The following IL6ST variants were observed in gnomAD, a reference collection of about 807,000 sequenced individuals.
IL6ST encodes the protein interleukin 6 cytokine family signal transducer, also known as interleukin-6 receptor subunit beta.
A neutral mutation model predicts 91.3 loss-of-function variants in IL6ST; 24 were observed. The observed-to-expected ratio is 0.26, with a 90% CI of 0.19 to 0.37. The LOEUF is 0.37. IL6ST is among the 10% of genes least tolerant of loss of function. The probability of loss-of-function intolerance (pLI) is 1.00; values close to 1 mark genes in which losing one functional copy is unlikely to be tolerated. For missense variants in IL6ST, 914 were observed against 1,078.5 expected (o/e 0.85, Z 2.14); for synonymous variants, 351 against 373.6 (o/e 0.94, Z 0.70).
At position 55,938,592 on chromosome 5, in the gene IL6ST, T is replaced by C. The variant is rs923243373; in HGVS notation, c.*2490A>G. The C allele has an allele frequency of 4.1e-5, 8 of 197,426 alleles. No individual in the cohort carries two copies. The highest frequency in any genetic ancestry group is 6.3e-5 in the Non-Finnish European group (6 of 95,350). The allele number at this position is 197,426 out of a possible 1,614,324, so 12.2% of individuals were successfully genotyped here. A position where few individuals can be genotyped will look rare whatever the true frequency, so the allele number is the denominator to read the frequency against. ...TGTGCTATTACTTTAAACACCACTT[T>C]TGGACACTAAAGATTTAAAGTGATA... On this transcript the variant is annotated 3_prime_UTR_variant, in exon 17 of 17. Coordinates refer to ENST00000381298, the MANE Select transcript of IL6ST (RefSeq NM_002184.4).
At position 55,962,196 on chromosome 5, in the gene IL6ST, G is replaced by A. The variant is rs114545077; in HGVS notation, c.813+1156C>T. Reference sequence around the variant, plus strand: ...AGAACTTCAGGTATGTATATTCTCTGTACAACATGAAGCATTAATCCAATT... The same window carrying A: ...AGAACTTCAGGTATGTATATTCTCTATACAACATGAAGCATTAATCCAATT... On this transcript the variant is annotated intron_variant, in intron 7 of 16. Transcript: ENST00000381298. Among the ~76,000 whole-genome samples the A allele has an allele frequency of 7.3e-3, 1,105 of 152,250 alleles. 13 individuals carry two copies. The highest frequency in any genetic ancestry group is 0.026 in the African/African-American group (1,063 of 41,548).
In IL6ST at chr5:55,935,707, C is replaced by A. The variant is rs540921046; in HGVS notation, c.*5375G>T. 5 of 217,802 alleles carry A rather than the reference C, an allele frequency of 2.3e-5. No homozygotes were observed. Among genetic ancestry groups the A allele is most frequent in the Non-Finnish European group, 9.2e-6 (1 of 108,514 alleles). The allele number at this position is 217,802 out of a possible 1,614,324, so 13.5% of individuals were successfully genotyped here. A position where few individuals can be genotyped will look rare whatever the true frequency, so the allele number is the denominator to read the frequency against. ...GGACTTAAGTATGGAAGAGCCTATACGCAGTTGTAATATATTTCGTATTTT... is the reference window on the plus strand; with the variant it reads ...GGACTTAAGTATGGAAGAGCCTATAAGCAGTTGTAATATATTTCGTATTTT... On this transcript the variant is annotated 3_prime_UTR_variant, in exon 17 of 17. Coordinates refer to ENST00000381298, the MANE Select transcript of IL6ST (RefSeq NM_002184.4).
intron 2 of IL6ST, chr5:55,978,243 G>A (rs1299437731): frequency 1.3e-5 from 2 of 152,240 alleles, no homozygotes; most frequent in East Asian, 3.8e-4. Context: ...GCATTGTGAA[G>A]TCAGATGACA....
chr5:55,941,114 T>A lies in IL6ST; in HGVS notation c.2725A>T (p.Thr909Ser). 1.2e-6 allele frequency: 2 copies of A among 1,613,976 alleles called. No individual in the cohort carries two copies. Among genetic ancestry groups the A allele is most frequent in the Non-Finnish European group, 1.7e-6 (2 of 1,179,896 alleles). ...GGCATGTAGCCGCCTTGCCGTACAG[T>A]CTGTGGTAAGTAACTTTTAGGCATG... ...EGMPKSYLPQ[T>S]VRQGGYMPQ is the part of the protein sequence containing the mutation. The change falls in exon 17 of 17, where the codon ACT (threonine) becomes TCT (serine). Residue 909 changes from threonine to serine, a missense_variant. Coordinates refer to ENST00000381298, the MANE Select transcript of IL6ST (RefSeq NM_002184.4).
chr5:55,985,067 C>A (rs1753877693), intron 1 of IL6ST, among the ~76,000 whole-genome samples: 1 of 152,112 alleles, frequency 6.6e-6, no homozygotes. Context: ...GATATTCTGG[C>A]CTTTATTAGA....
At chr5:55,968,193 A>G in intron 5 of IL6ST, 83 bp downstream of exon 5, 3 of 1,152,532 alleles carry the variant, frequency 2.6e-6, no homozygotes, top group South Asian at 2.8e-5. Flanking sequence ...AGCATTTAAT[A>G]TTATTACTTG....
rs1284917283 is a variant in IL6ST at position 55,969,647 on chromosome 5, A to G, written c.273T>C (p.Phe91=). Residue 91 remains phenylalanine, a synonymous_variant, in exon 4 of 17, where the codon TTT becomes TTC. Coordinates refer to ENST00000381298, the MANE Select transcript of IL6ST (RefSeq NM_002184.4). ...GAATATTTAATGAAGCTATATCTGT[A>G]AAGGTGACACTGGATGCTGTTCTGT... The part of the protein sequence containing the change: ...IINRTASSVT[F]TDIASLNIQL... 4.3e-6 allele frequency: 7 copies of G among 1,612,302 alleles called. No individual in the cohort carries two copies. The South Asian group carries it at 6.6e-5, about 15-fold the overall frequency.
intron 5 of IL6ST, among the ~76,000 whole-genome samples, chr5:55,967,445 T>C (rs1373003244): frequency 6.9e-6 from 1 of 145,808 alleles, no homozygotes; most frequent in Non-Finnish European, 1.5e-5. Context: ...AGACAAGACA[T>C]AAATTCACAA....
chr5:55,961,239 G>C (rs1357238846), intron 7 of IL6ST, among the ~76,000 whole-genome samples: 1 of 152,072 alleles, frequency 6.6e-6, no homozygotes, highest in East Asian at 1.9e-4. Context: ...ATATAACTTA[G>C]GATTTCTGCA....
rs759506581 is a variant in IL6ST, at chr5:55,957,258, A to G, written c.1007T>C (p.Ile336Thr). 13 of 1,565,556 alleles carry G rather than the reference A, an allele frequency of 8.3e-6. No homozygotes were observed. In the East Asian group the frequency reaches 2.5e-4, roughly 30 times the overall value. ...GTAGCCTTGAGTATGGGATGGATCT[A>G]TTTTATACCAGAAACTTGGTGCTTT... is the stretch of plus-strand genomic sequence containing the variant. ...PSKAPSFWYK[I>T]DPSHTQGYRT... Residue 336 changes from isoleucine (I) to threonine (T), a missense_variant, in exon 9 of 17, where the codon ATA becomes ACA. Transcript: ENST00000381298.
At chr5:55,981,017 A>C (rs1219360759) in intron 2 of IL6ST, among the ~76,000 whole-genome samples, 1 of 152,214 alleles carries the variant, frequency 6.6e-6, no homozygotes. Context: ...GGTGTGAGCC[A>C]CTGTGCCAAG....
At chr5:55,960,087 T>C (rs941007922) in intron 8 of IL6ST, among the ~76,000 whole-genome samples, 2 of 152,098 alleles carry the variant, frequency 1.3e-5, no homozygotes, top group African/African-American at 2.4e-5. Flanking sequence ...GGTTTCACCA[T>C]ATTGGCCAGG....
intron 14 of IL6ST, among the ~76,000 whole-genome samples, chr5:55,951,002 A>G (rs1438989748): frequency 6.6e-6 from 1 of 152,094 alleles, no homozygotes; most frequent in South Asian, 2.1e-4. Context: ...CATGCAGTAC[A>G]TATGATGATC....
rs530599601 is a variant in IL6ST at position 55,964,139 on chromosome 5, T to TA, written c.658+6dup. On this transcript the variant is annotated splice_region_variant and intron_variant, in intron 6 of 16. Transcript: ENST00000381298. The stretch of plus-strand genomic sequence containing the variant: ...AAATAAACTCTCAAATTCAGGTTTA[T>TA]AACTACCTTTATATACAGGATCAAA... 3.2e-4 allele frequency: 485 copies of TA among 1,526,076 alleles called. No homozygotes were observed. Among genetic ancestry groups the TA allele is most frequent in the Non-Finnish European group, 4.1e-4 (457 of 1,124,960 alleles). 94.5% of individuals were successfully genotyped at this position (1,526,076 alleles called of 1,614,324 possible).
Position 55,941,185 on chromosome 5 carries a change from A to G in IL6ST, c.2654T>C (p.Val885Ala). 1.2e-6 allele frequency: 2 copies of G among 1,614,036 alleles called. No homozygotes were observed. The highest frequency in any genetic ancestry group is 2.2e-5 in the East Asian group (1 of 44,878). The change falls in exon 17 of 17, where the codon GTA (valine) becomes GCA (alanine). Residue 885 changes from valine to alanine, a missense_variant. Transcript: ENST00000381298. ...DAFGPGTEGQ[V>A]ERFETVGMEA... ...CATGCCAACTGTTTCAAATCTTTCT[A>G]CTTGTCCCTCAGTACCTGGACCAAA...
At chr5:55,989,002 T>C (rs1311314595) in intron 1 of IL6ST, among the ~76,000 whole-genome samples, 1 of 150,986 alleles carries the variant, frequency 6.6e-6, no homozygotes, top group Non-Finnish European at 1.5e-5. Flanking sequence ...GGACCATGCC[T>C]GTAATCCCAG....
chr5:55,969,603 A>C lies in IL6ST; in HGVS notation c.317T>G (p.Leu106Arg). 6.2e-7 allele frequency: 1 copy of C among 1,613,380 alleles called. No individual in the cohort carries two copies. The highest frequency in any genetic ancestry group is 8.5e-7 in the Non-Finnish European group (1 of 1,179,486). ...ATTCTGTTCAAGCTGTCCGAATGTA[A>C]GAATGTTGCAAGTGAGCTGAATATT... ...SLNIQLTCNI[L>R]TFGQLEQNVY... is the part of the protein sequence containing the mutation. The change falls in exon 4 of 17, where the codon CTT (leucine) becomes CGT (arginine). Residue 106 changes from leucine (L) to arginine (R), a missense_variant. Transcript: ENST00000381298.
rs1363959634 is a variant in IL6ST at position 55,941,639 on chromosome 5, T to A, written c.2200A>T (p.Met734Leu). 13 of 1,614,128 alleles carry A rather than the reference T, an allele frequency of 8.1e-6. No homozygotes were observed. Among genetic ancestry groups the A allele is most frequent in the Non-Finnish European group, 1.1e-5 (13 of 1,179,972 alleles). ...HSSGIGGSSC[M>L]SSSRPSISSS... ...GAAATGCTTGGCCTAGAAGATGACA[T>A]GCATGAAGACCCCCCAATACCACTG... Residue 734 changes from methionine to leucine, a missense_variant, in exon 17 of 17, where the codon ATG becomes TTG. Physicochemically the swap from Met to Leu is conservative, Grantham distance 15 (BLOSUM62 2). Coordinates refer to ENST00000381298, the MANE Select transcript of IL6ST (RefSeq NM_002184.4).
rs199939306 is a variant in IL6ST at position 55,954,984 on chromosome 5, G to A, written c.1276C>T (p.Pro426Ser). The A allele has an allele frequency of 2.8e-5, 44 of 1,588,040 alleles. No individual in the cohort carries two copies. Among genetic ancestry groups the A allele is most frequent in the Admixed American group, 1.3e-4 (7 of 54,734 alleles). ...IPACDFQATH[P>S]VMDLKAFPKD... ...GGGAATGCTTTAAGATCCATTACAG[G>A]GTGAGTAGCTTTAAAACAAAGTTTG... Residue 426 changes from proline to serine, a missense_variant, in exon 11 of 17, where the codon CCT (proline) becomes TCT (serine). By Grantham distance (74) the Pro-to-Ser change is moderately conservative. Transcript: ENST00000381298.
Sources: allele counts gnomAD v4.1 joint callset (sites outside exome capture counted in the v4.1 genomes callset), GRCh38; gene constraint gnomAD v4.1.1; transcripts MANE v1.5; gene names NCBI Gene and HGNC (gene_info 2026-07-23, HGNC 2026-07-21).